Variants in TNFRSF8 observed in about 807,000 individuals in gnomAD.
TNFRSF8 encodes the protein tumor necrosis factor receptor superfamily member 8.
In TNFRSF8, 26 loss-of-function variants were observed where a neutral mutation model predicts 70.8. The observed-to-expected ratio is 0.37, with a 90% CI of 0.27 to 0.51. TNFRSF8 has a LOEUF of 0.51. TNFRSF8 is among the 20% of genes least tolerant of loss of function. The pLI is 0.94. For missense variants in TNFRSF8, 720 were observed against 807.9 expected (o/e 0.89, Z 1.32); for synonymous variants, 356 against 339.2 (o/e 1.05, Z -0.54).
chr1:12,110,233 C>T lies in TNFRSF8; in HGVS notation c.676+29C>T. ...ATTTCCCCATGAAGCTGTGGGTCGT[C>T]TCCCTGGGGTGCTCGATTGGTGGAT... On this transcript the variant is annotated intron_variant, in intron 6 of 14. Transcript: ENST00000263932. This position sits in a 1 kb window ranked among gnomAD's most constrained non-coding sequence, Gnocchi z 4.0. 1 of 1,546,020 alleles carries T rather than the reference C, an allele frequency of 6.5e-7. No homozygotes were observed. Among genetic ancestry groups the T allele is most frequent in the African/African-American group, 1.4e-5 (1 of 73,332 alleles).
intron 3 of TNFRSF8, among the ~76,000 whole-genome samples, chr1:12,100,722 C>T (rs763615748): frequency 8.5e-5 from 13 of 152,052 alleles, no homozygotes; most frequent in South Asian, 4.1e-4. Context: ...TTTGGGAAGC[C>T]GAGGTGGGCA....
At chr1:12,072,001 G>C (rs1640855872) in intron 1 of TNFRSF8, among the ~76,000 whole-genome samples, 1 of 152,172 alleles carries the variant, frequency 6.6e-6, no homozygotes, top group Non-Finnish European at 1.5e-5. Context: ...AGAGACAGTA[G>C]AGCATTTCGT....
chr1:12,083,105 G>A (rs1641093513), intron 1 of TNFRSF8, among the ~76,000 whole-genome samples: 1 of 152,190 alleles, frequency 6.6e-6, no homozygotes, highest in Non-Finnish European at 1.5e-5. Flanking sequence ...AAACCACAAT[G>A]AGGTATCACT....
At chr1:12,107,065 G>C (rs1557590975) in intron 4 of TNFRSF8, among the ~76,000 whole-genome samples, 1 of 152,236 alleles carries the variant, frequency 6.6e-6, no homozygotes, top group Non-Finnish European at 1.5e-5. Flanking sequence ...GCCCAATGCA[G>C]TGCCCCTGGC....
At chr1:12,125,791 G>C (rs970987978) in intron 10 of TNFRSF8, 160 bp from the exon 11 acceptor site, 1 of 692,180 alleles carries the variant, frequency 1.4e-6, no homozygotes, top group African/African-American at 1.8e-5. Flanking sequence ...AGCCAGGCGA[G>C]GGAGGGCTGG....
chr1:12,092,600 C>T (rs1396844502), intron 2 of TNFRSF8, among the ~76,000 whole-genome samples: 1 of 151,266 alleles, frequency 6.6e-6, no homozygotes, highest in Non-Finnish European at 1.5e-5. Flanking sequence ...CTCCGCCTCC[C>T]GGGTTCACGC....
At chr1:12,102,797 A>G (rs1452755283) in intron 3 of TNFRSF8, among the ~76,000 whole-genome samples, 4 of 152,034 alleles carry the variant, frequency 2.6e-5, no homozygotes, top group African/African-American at 9.7e-5. Context: ...AAGTGCTGGG[A>G]TTACAAGTGT....
chr1:12,076,385 C>T (rs1392027951), intron 1 of TNFRSF8, among the ~76,000 whole-genome samples: 1 of 152,180 alleles, frequency 6.6e-6, no homozygotes, highest in Non-Finnish European at 1.5e-5. Context: ...CAAGCGTGAG[C>T]TACCGTGCCC....
Position 12,101,749 on chromosome 1 carries a change from C to T in TNFRSF8, c.269-2630C>T, listed in dbSNP as rs140939373. Reference sequence around the variant, plus strand: ...AGGCTGGAGTGCAATGGCGCAATCTCGGCTCACTGCAACCTGGGTTCAAGC... The same window carrying T: ...AGGCTGGAGTGCAATGGCGCAATCTTGGCTCACTGCAACCTGGGTTCAAGC... On this transcript the variant is annotated intron_variant, in intron 3 of 14. Coordinates refer to ENST00000263932, the MANE Select transcript of TNFRSF8 (RefSeq NM_001243.5). Among the ~76,000 whole-genome samples, 283 of 152,206 alleles carry T rather than the reference C, an allele frequency of 1.9e-3. 1 individual carries two copies. The highest frequency in any genetic ancestry group is 3.5e-3 in the Non-Finnish European group (239 of 68,004).
chr1:12,102,450 G>C (rs1641441597), intron 3 of TNFRSF8, among the ~76,000 whole-genome samples: 1 of 152,156 alleles, frequency 6.6e-6, no homozygotes, highest in South Asian at 2.1e-4. Flanking sequence ...CTTCGTTTCT[G>C]ATCTGCCAAG....
intron 7 of TNFRSF8, among the ~76,000 whole-genome samples, chr1:12,114,694 CTTTTTTTTTTTTTTT>C (rs542462017): frequency 1.8e-4 from 14 of 77,046 alleles, no homozygotes; most frequent in Admixed American, 4.0e-4. Context: ...GAAAAAAAAT[CTTTTTTTTTTTTTTT>C]TTTTTTTTTT....
At chr1:12,136,472 A>G (rs549410789) in intron 13 of TNFRSF8, among the ~76,000 whole-genome samples, 2 of 152,120 alleles carry the variant, frequency 1.3e-5, no homozygotes, top group Non-Finnish European at 2.9e-5. Context: ...AACATAGTGA[A>G]ACCCCGTCTC....
chr1:12,136,091 G>A (rs1201118), intron 13 of TNFRSF8, among the ~76,000 whole-genome samples: 101,431 of 150,548 alleles, frequency 0.67, 34,470 homozygotes, highest in East Asian at 0.76. Context: ...TTCCCCATCT[G>A]TCAGTTCTTC....
At chr1:12,076,679 G>A (rs1341264862) in intron 1 of TNFRSF8, among the ~76,000 whole-genome samples, 1 of 152,198 alleles carries the variant, frequency 6.6e-6, no homozygotes, top group African/African-American at 2.4e-5. Context: ...CTTGCAGTGG[G>A]ACAACTGTGA....
intron 2 of TNFRSF8, among the ~76,000 whole-genome samples, chr1:12,087,097 CCATCCATCCATCCATCCAT>C (rs1641166110): frequency 6.7e-6 from 1 of 148,406 alleles, no homozygotes; most frequent in Non-Finnish European, 1.5e-5. Context: ...ATCCATCCAT[CCATCCATCCATCCATCCAT>C]CCATCCATCC....
In TNFRSF8 at chr1:12,063,613, C is replaced by T. The variant is rs751623791; in HGVS notation, c.15C>T (p.Leu5=). Residue 5 remains leucine, a synonymous_variant, in exon 1 of 15, where the codon CTC becomes CTT. Transcript: ENST00000263932. The surrounding 1 kb of genome is among the most constrained non-coding windows in gnomAD (Gnocchi z 7.2). ...CGGCCCCGGGGATGCGCGTCCTCCT[C>T]GCCGCGCTGGGACTGCTGTTCCTGG... MRVL[L]AALGLLFLGA... The T allele has an allele frequency of 2.8e-5, 37 of 1,306,966 alleles. No homozygotes were observed. In the East Asian group the frequency reaches 3.4e-4, roughly 12 times the overall value. The allele number at this position is 1,306,966 out of a possible 1,614,324, so 81.0% of individuals were successfully genotyped here.
chr1:12,142,840 C>G lies in TNFRSF8; in HGVS notation c.*309C>G. On this transcript the variant is annotated 3_prime_UTR_variant, in exon 15 of 15. Transcript: ENST00000263932. This position sits in a 1 kb window ranked among gnomAD's most constrained non-coding sequence, Gnocchi z 5.0. ...ATGGCAGGATGGGCACTGCCGAGAA[C>G]AGCATTGGTCCCAGAGCCCTGGGCA... is the stretch of plus-strand genomic sequence containing the variant. 3.0e-6 allele frequency: 1 copy of G among 335,314 alleles called. No individual in the cohort carries two copies. The highest frequency in any genetic ancestry group is 5.5e-6 in the Non-Finnish European group (1 of 180,590). 20.8% of individuals were successfully genotyped at this position (335,314 alleles called of 1,614,324 possible).
chr1:12,116,050 C>T (rs141335576), intron 8 of TNFRSF8, among the ~76,000 whole-genome samples: 31 of 152,236 alleles, frequency 2.0e-4, no homozygotes, highest in South Asian at 1.2e-3. Context: ...GGCTCAATCT[C>T]GGCTCACCGC....
rs11569875 is a variant in TNFRSF8 at position 12,110,230 on chromosome 1, C to T, written c.676+26C>T. 8.9e-3 allele frequency: 13,827 copies of T among 1,559,876 alleles called. 1,042 individuals carry two copies. In the African/African-American group the frequency reaches 0.16, roughly 18 times the overall value. On this transcript the variant is annotated intron_variant, in intron 6 of 14. Transcript: ENST00000263932. The surrounding 1 kb of genome is among the most constrained non-coding windows in gnomAD (Gnocchi z 4.0). ...GTAATTTCCCCATGAAGCTGTGGGT[C>T]GTCTCCCTGGGGTGCTCGATTGGTG...
Sources: allele counts gnomAD v4.1 joint callset (sites outside exome capture counted in the v4.1 genomes callset), GRCh38; gene constraint gnomAD v4.1.1; non-coding constraint Gnocchi (gnomAD v3.1); transcripts MANE v1.5; gene names NCBI Gene and HGNC (gene_info 2026-07-23, HGNC 2026-07-21).